HAS2: variants seen among roughly 807,000 people sequenced by gnomAD.
HAS2 encodes the protein HA synthase 2.
Under a neutral mutation model 51.6 loss-of-function variants are expected in HAS2, and 16 were observed. The ratio of observed to expected loss-of-function variants is 0.31; its 90% CI spans 0.21 to 0.47. HAS2 has a LOEUF of 0.47. Among genes scored for constraint, HAS2 ranks in the 20% least tolerant of loss-of-function variants. HAS2 has a pLI of 1.00. For missense variants in HAS2, 361 were observed against 662.6 expected (o/e 0.54, Z 5.00); for synonymous variants, 228 against 235.5 (o/e 0.97, Z 0.29).
chr8:121,635,807 A>G (rs962392382), intron 1 of HAS2, among the ~76,000 whole-genome samples: 1 of 152,234 alleles, frequency 6.6e-6, no homozygotes, highest in Non-Finnish European at 1.5e-5. Context: ...GTTCTAAAAC[A>G]TAGGCTGTCT....
At chr8:121,626,410 T>C (rs574541885) in intron 2 of HAS2, among the ~76,000 whole-genome samples, 1 of 152,232 alleles carries the variant, frequency 6.6e-6, no homozygotes, top group Non-Finnish European at 1.5e-5. Flanking sequence ...TGGAAACCAA[T>C]CCTTTTGGCC....
chr8:121,631,585 A>C (rs1345828681), intron 1 of HAS2, among the ~76,000 whole-genome samples: 1 of 152,214 alleles, frequency 6.6e-6, no homozygotes, highest in East Asian at 1.9e-4. Flanking sequence ...GAGTCTGATA[A>C]ATGTAACCTT....
At chr8:121,633,387 G>T (rs561689841) in intron 1 of HAS2, among the ~76,000 whole-genome samples, 1 of 151,928 alleles carries the variant, frequency 6.6e-6, no homozygotes, top group Non-Finnish European at 1.5e-5. Flanking sequence ...CAGGTGATCC[G>T]CCTGCCTTGG....
chr8:121,616,691 C>T (rs1812708333), intron 3 of HAS2, among the ~76,000 whole-genome samples: 1 of 152,100 alleles, frequency 6.6e-6, no homozygotes, highest in African/African-American at 2.4e-5. Context: ...CTGCCTCGGC[C>T]TCCCAAAGTG....
Position 121,641,182 on chromosome 8 carries a change from G to GTTTTTT in HAS2, c.-331_-330insAAAAAA, listed in dbSNP as rs1240320617. 3 of 48,848 alleles carry GTTTTTT rather than the reference G, an allele frequency of 6.1e-5. No homozygotes were observed. The highest frequency in any genetic ancestry group is 7.0e-5 in the Non-Finnish European group (2 of 28,528). The allele number at this position is 48,848 out of a possible 1,614,324, so 3.0% of individuals were successfully genotyped here. ...TCTTTTTTTTTTTTTTTTTTTTTTG[G>GTTTTTT]GCTTCAGTCTTTCTGCCCCCGATAA... On this transcript the variant is annotated 5_prime_UTR_variant, in exon 1 of 4. Coordinates refer to ENST00000303924, the MANE Select transcript of HAS2 (RefSeq NM_005328.3).
Position 121,614,304 on chromosome 8 carries a change from G to C in HAS2, c.1464C>G (p.Leu488=), listed in dbSNP as rs1346196402. 1 of 1,614,138 alleles carries C rather than the reference G, an allele frequency of 6.2e-7. No individual in the cohort carries two copies. The highest frequency in any genetic ancestry group is 8.5e-7 in the Non-Finnish European group (1 of 1,180,002). Residue 488 remains leucine, a synonymous_variant, in exon 4 of 4, where the codon CTC becomes CTG. Transcript: ENST00000303924. This position sits in a 1 kb window ranked among gnomAD's most constrained non-coding sequence, Gnocchi z 7.2. ...AAATGGTGAAAATCACACCACCCAG[G>C]AGGATTGTAAACCAAACTGATACTG... ...LIPVSVWFTI[L]LGGVIFTIYK... is the part of the protein sequence containing the mutation.
At chr8:121,633,911 GGT>G (rs1563624065) in intron 1 of HAS2, among the ~76,000 whole-genome samples, 2 of 140,934 alleles carry the variant, frequency 1.4e-5, no homozygotes, top group Non-Finnish European at 3.0e-5. Flanking sequence ...TGTTTTTTTG[GGT>G]TTTTTTTTTT....
intron 2 of HAS2, among the ~76,000 whole-genome samples, chr8:121,620,855 GA>G (rs1431242468): frequency 1.3e-5 from 2 of 151,438 alleles, no homozygotes; most frequent in African/African-American, 2.4e-5. Flanking sequence ...TTCAATAGTT[GA>G]AAAAAAATCA....
chr8:121,621,297 G>A (rs936694515), intron 2 of HAS2, among the ~76,000 whole-genome samples: 3 of 152,142 alleles, frequency 2.0e-5, no homozygotes, highest in Admixed American at 1.3e-4. Flanking sequence ...TAAAAAATTA[G>A]ATTTTCTTCA....
Position 121,641,154 on chromosome 8 carries a change from TTTTC to T in HAS2, c.-306_-303del, listed in dbSNP as rs1360925554. On this transcript the variant is annotated 5_prime_UTR_variant, in exon 1 of 4. Transcript: ENST00000303924. ...AAATTAACTTTTCTTTTTTCTTTTC[TTTTC>T]TTTTTTTTTTTTTTTTTTTTTTGGG... is the stretch of plus-strand genomic sequence containing the variant. 1.6e-4 allele frequency: 13 copies of T among 83,490 alleles called. No homozygotes were observed. Among genetic ancestry groups the T allele is most frequent in the Non-Finnish European group, 2.6e-4 (12 of 46,612 alleles). The allele number at this position is 83,490 out of a possible 1,614,324, so 5.2% of individuals were successfully genotyped here. A position where few individuals can be genotyped will look rare whatever the true frequency, so the allele number is the denominator to read the frequency against.
At chr8:121,626,372 T>C (rs533565860) in intron 2 of HAS2, among the ~76,000 whole-genome samples, 6 of 152,302 alleles carry the variant, frequency 3.9e-5, no homozygotes, top group African/African-American at 1.4e-4. Flanking sequence ...AAAAGAGTGC[T>C]GAAGAGTGCC....
In HAS2 at chr8:121,613,696, T is replaced by TA. The variant is rs562501827; in HGVS notation, c.*412dup. On this transcript the variant is annotated 3_prime_UTR_variant, in exon 4 of 4. Transcript: ENST00000303924. ...GTAAAGTTAAAAAGAAAATCCTTCC[T>TA]AAAAAAAAAAAATTATCATCTATCA... is the stretch of plus-strand genomic sequence containing the variant. 5.6e-3 allele frequency: 869 copies of TA among 155,692 alleles called. No individual in the cohort carries two copies. Among genetic ancestry groups the TA allele is most frequent in the Middle Eastern group, 0.016 (5 of 306 alleles). 9.6% of individuals were successfully genotyped at this position (155,692 alleles called of 1,614,324 possible). A position where few individuals can be genotyped will look rare whatever the true frequency, so the allele number is the denominator to read the frequency against.
intron 1 of HAS2, chr8:121,640,248 T>C (rs1168486315): frequency 1.3e-5 from 2 of 150,990 alleles, no homozygotes; most frequent in African/African-American, 4.9e-5. Context: ...AAGGGGGGAG[T>C]GGCCGAGAGG....
At chr8:121,622,287 G>A (rs143625870) in intron 2 of HAS2, among the ~76,000 whole-genome samples, 3 of 152,066 alleles carry the variant, frequency 2.0e-5, no homozygotes, top group East Asian at 3.9e-4. Flanking sequence ...CAACCTCAGA[G>A]CAAACACACT....
rs1483022877 is a variant in HAS2, at chr8:121,614,152, C to T, written c.1616G>A (p.Arg539Lys). 6.2e-7 allele frequency: 1 copy of T among 1,614,072 alleles called. No homozygotes were observed. Among genetic ancestry groups the T allele is most frequent in the South Asian group, 1.1e-5 (1 of 91,090 alleles). ...GTCATATTGTTGTCCCTTCTTCCGC[C>T]TGCCACACTTATTGATGAGAACTAC... ...LYVVLINKCG[R>K]RKKGQQYDMV... The change falls in exon 4 of 4, where the codon AGG becomes AAG. Residue 539 changes from arginine (R) to lysine (K), a missense_variant. Arg to Lys is a conservative substitution (Grantham distance 26, BLOSUM62 2). Coordinates refer to ENST00000303924, the MANE Select transcript of HAS2 (RefSeq NM_005328.3). The surrounding 1 kb of genome is among the most constrained non-coding windows in gnomAD (Gnocchi z 7.2).
At position 121,612,614 on chromosome 8, in the gene HAS2, T is replaced by TA. The variant is rs760735544; in HGVS notation, c.*1494dup. The TA allele has an allele frequency of 6.6e-6, 1 of 152,144 alleles. No homozygotes were observed. Among genetic ancestry groups the TA allele is most frequent in the African/African-American group, 2.4e-5 (1 of 41,446 alleles). 9.4% of individuals were successfully genotyped at this position (152,144 alleles called of 1,614,324 possible). On this transcript the variant is annotated 3_prime_UTR_variant, in exon 4 of 4. Coordinates refer to ENST00000303924, the MANE Select transcript of HAS2 (RefSeq NM_005328.3). ...CAGCTACAAGGCAAGGTCAATCGTG[T>TA]AAAAAATAAAACTGGATAATGGAGG...
intron 1 of HAS2, among the ~76,000 whole-genome samples, chr8:121,631,781 A>G (rs1812934330): frequency 6.6e-6 from 1 of 152,250 alleles, no homozygotes; most frequent in Admixed American, 6.5e-5. Context: ...CATTTCCAAG[A>G]CGTGAGTCAT....
chr8:121,637,904 G>A (rs992282939), intron 1 of HAS2, among the ~76,000 whole-genome samples: 3 of 152,130 alleles, frequency 2.0e-5, no homozygotes, highest in African/African-American at 7.2e-5. Context: ...GAGACATGGG[G>A]GTTATGCTCT....
In HAS2 at chr8:121,614,569, C is replaced by A; in HGVS notation, c.1199G>T (p.Arg400Leu). 6.2e-7 allele frequency: 1 copy of A among 1,613,952 alleles called. No individual in the cohort carries two copies. Among genetic ancestry groups the A allele is most frequent in the Non-Finnish European group, 8.5e-7 (1 of 1,179,902 alleles). ...GAGGAGAATGTTCCAAATTTTACCC[C>A]GGTAGAAGAGCTGGATTACTGTGGC... ...LIATVIQLFY[R>L]GKIWNILLFL... The change falls in exon 4 of 4, where the codon CGG becomes CTG. Residue 400 changes from arginine to leucine, a missense_variant. By Grantham distance (102) the Arg-to-Leu change is moderately radical. Around this residue, in one of 5 missense-constraint regions of HAS2, gnomAD observed 106 missense variants for 241.0 expected, o/e 0.44. Transcript: ENST00000303924. The surrounding 1 kb of genome is among the most constrained non-coding windows in gnomAD (Gnocchi z 7.2).
Sources: gnomAD v4.1 joint callset for allele counts (sites outside exome capture counted in the v4.1 genomes callset) on GRCh38, gnomAD v4.1.1 for gene constraint, gnomAD v4.1.1 regional missense constraint, Gnocchi (gnomAD v3.1) non-coding constraint, MANE v1.5 for transcripts, NCBI Gene and HGNC (gene_info 2026-07-23, HGNC 2026-07-21) for gene names.